The following MYH14 variants were observed in gnomAD, a reference collection of about 807,000 sequenced individuals.
The protein encoded by MYH14 is myosin-14.
A neutral mutation model predicts 255.5 loss-of-function variants in MYH14; 123 were observed. The observed-to-expected ratio is 0.48, with a 90% CI of 0.42 to 0.56. The LOEUF (loss-of-function observed/expected upper bound fraction) is 0.56. Ranked by LOEUF, MYH14 falls within the 20% of genes least tolerant of loss-of-function variation. The probability of loss-of-function intolerance (pLI) is 0.00; values close to 1 mark genes in which losing one functional copy is unlikely to be tolerated. For missense variants in MYH14, 2,423 were observed against 2,802.3 expected (o/e 0.86, Z 3.06); for synonymous variants, 1,095 against 1,161.2 (o/e 0.94, Z 1.16).
chr19:50,279,256 C>T (rs2035624486), intron 30 of MYH14, among the ~76,000 whole-genome samples: 1 of 152,168 alleles, frequency 6.6e-6, no homozygotes, highest in African/African-American at 2.4e-5. Flanking sequence ...GCCTTTGTGG[C>T]TGCCTTCTTT....
intron 40 of MYH14, among the ~76,000 whole-genome samples, chr19:50,304,193 T>C (rs1236901722): frequency 2.0e-5 from 3 of 152,376 alleles, no homozygotes; most frequent in Admixed American, 1.3e-4. Flanking sequence ...TTGCTATTCA[T>C]CATCTGCACA....
At chr19:50,291,744 G>A (rs7247511) in intron 36 of MYH14, among the ~76,000 whole-genome samples, 37,955 of 151,842 alleles carry the variant, frequency 0.25, 5,783 homozygotes, top group East Asian at 0.48. Flanking sequence ...ACGCACCTGT[G>A]GTCTCAGCTA....
chr19:50,231,239 T>A (rs568712319), intron 9 of MYH14, among the ~76,000 whole-genome samples: 3 of 152,242 alleles, frequency 2.0e-5, no homozygotes, highest in Non-Finnish European at 4.4e-5. Flanking sequence ...TAGCCCCTCC[T>A]CATCCAGGTT....
intron 5 of MYH14, among the ~76,000 whole-genome samples, 195 bp from the exon 6 acceptor site, chr19:50,223,959 A>C (rs2032971207): frequency 1.3e-5 from 2 of 152,068 alleles, no homozygotes; most frequent in Admixed American, 1.3e-4. Context: ...AACATTTTTG[A>C]ATAAAGGAGG....
rs1390799283 is a variant in MYH14 at position 50,247,126 on chromosome 19, G to C, written c.1329+4G>C. On this transcript the variant is annotated splice_donor_region_variant and intron_variant, in intron 12 of 42. Coordinates refer to ENST00000642316, the MANE Select transcript of MYH14 (RefSeq NM_001145809.2). ...GAAAGCCCAGACTAAGGAACAGGTA[G>C]GCGGGGCTGGCGGTGGGCAGGCACA... 1 of 1,601,394 alleles carries C rather than the reference G, an allele frequency of 6.2e-7. No homozygotes were observed. Among genetic ancestry groups the C allele is most frequent in the Non-Finnish European group, 8.5e-7 (1 of 1,169,934 alleles).
chr19:50,280,348 C>T lies in MYH14; in HGVS notation c.4255C>T (p.Arg1419Trp), dbSNP rs115019972. The T allele has an allele frequency of 9.4e-4, 1,457 of 1,547,494 alleles. 13 individuals are homozygous for T. The African/African-American group carries it at 0.018, about 19-fold the overall frequency. The change falls in exon 32 of 43, where the codon CGG becomes TGG. Residue 1419 changes from arginine (R) to tryptophan (W), a missense_variant. Arg to Trp is a moderately radical substitution (Grantham distance 101, BLOSUM62 -3). Transcript: ENST00000642316. This position sits in a 1 kb window ranked among gnomAD's most constrained non-coding sequence, Gnocchi z 4.8. ...GGAGGAGGAGGCAGCTGCCAGGGAACGGGCGGGCCGTGAACTGCAGACTGC... is the reference window on the plus strand; with the variant it reads ...GGAGGAGGAGGCAGCTGCCAGGGAATGGGCGGGCCGTGAACTGCAGACTGC... Reference protein sequence around the residue: ...QLEEEAAARERAGRELQTAQA... With the variant: ...QLEEEAAAREWAGRELQTAQA...
intron 39 of MYH14, among the ~76,000 whole-genome samples, chr19:50,294,498 T>G (rs4801827): frequency 0.66 from 97,932 of 148,420 alleles, 34,589 homozygotes; most frequent in East Asian, 0.92. Flanking sequence ...GCAGTGGTGC[T>G]ATCTCGGCTC....
chr19:50,225,425 A>G (rs546041932), intron 6 of MYH14, among the ~76,000 whole-genome samples, 160 bp from the exon 7 acceptor site: 1 of 152,320 alleles, frequency 6.6e-6, no homozygotes, highest in South Asian at 2.1e-4. Context: ...CAATAGACAG[A>G]TGGGCAAGAC....
intron 20 of MYH14, 29 bp downstream of exon 20, chr19:50,260,744 T>TGC (rs752551300): frequency 2.7e-6 from 4 of 1,469,118 alleles, no homozygotes; most frequent in South Asian, 2.3e-5. Flanking sequence ...GGAATGCGTG[T>TGC]GTGCGTGTGT....
In MYH14 at chr19:50,210,530, C is replaced by G. The variant is rs759068197; in HGVS notation, c.165C>G (p.Leu55=). ...SPQVEWTARR[L]VWVPSELHGF... is the part of the protein sequence containing the mutation. ...AGGTGGAGTGGACGGCCCGGCGTCTCGTGTGGGTGCCTTCGGAGCTTCACG... is the reference window on the plus strand; with the variant it reads ...AGGTGGAGTGGACGGCCCGGCGTCTGGTGTGGGTGCCTTCGGAGCTTCACG... The change falls in exon 2 of 43, where the codon CTC becomes CTG. Residue 55 remains leucine (L), a synonymous_variant. Coordinates refer to ENST00000642316, the MANE Select transcript of MYH14 (RefSeq NM_001145809.2). The G allele has an allele frequency of 2.5e-6, 4 of 1,577,662 alleles. No homozygotes were observed. The highest frequency in any genetic ancestry group is 3.4e-6 in the Non-Finnish European group (4 of 1,163,560).
At position 50,286,574 on chromosome 19, in the gene MYH14, G is replaced by A. The variant is rs1454503442; in HGVS notation, c.4632G>A (p.Leu1544=). 1 of 1,610,104 alleles carries A rather than the reference G, an allele frequency of 6.2e-7. No homozygotes were observed. The highest frequency in any genetic ancestry group is 1.3e-5 in the African/African-American group (1 of 75,040). The part of the protein sequence containing the change: ...AEGREREARA[L]SLTRALEEEQ... ...GCCGGGAGCGTGAGGCTCGGGCCCT[G>A]TCACTGACACGGGCACTGGAGGAGG... The change falls in exon 34 of 43, where the codon CTG becomes CTA. Residue 1544 remains leucine, a synonymous_variant. Transcript: ENST00000642316.
chr19:50,278,844 C>T lies in MYH14; in HGVS notation c.4032+555C>T, dbSNP rs189001284. On this transcript the variant is annotated intron_variant, in intron 30 of 42. Coordinates refer to ENST00000642316, the MANE Select transcript of MYH14 (RefSeq NM_001145809.2). ...AAAAAAAAAAAAACACAAAATTAGCCGGGCGTGATGGCGCATGCCTGTAAT... is the reference window on the plus strand; with the variant it reads ...AAAAAAAAAAAAACACAAAATTAGCTGGGCGTGATGGCGCATGCCTGTAAT... 3.8e-4 allele frequency among the ~76,000 whole-genome samples: 57 copies of T among 150,178 alleles called. 2 individuals are homozygous for T. Among genetic ancestry groups the T allele is most frequent in the African/African-American group, 1.3e-3 (52 of 40,904 alleles).
rs568110524 is a variant in MYH14 at position 50,279,023 on chromosome 19, G to A, written c.4032+734G>A. 1.1e-3 allele frequency among the ~76,000 whole-genome samples: 167 copies of A among 152,180 alleles called. 1 individual carries two copies. In the South Asian group the frequency reaches 0.013, roughly 12 times the overall value. Reference sequence around the variant, plus strand: ...TAATAATAATTCACTCATTTAAGATGTGCAATTCAATGGATTTTGGTATAT... The same window carrying A: ...TAATAATAATTCACTCATTTAAGATATGCAATTCAATGGATTTTGGTATAT... On this transcript the variant is annotated intron_variant, in intron 30 of 42. Transcript: ENST00000642316.
At chr19:50,224,045 TTCCCCCA>T in intron 5 of MYH14, 102 bp from the exon 6 acceptor site, 1 of 316,168 alleles carries the variant, frequency 3.2e-6, no homozygotes, top group Admixed American at 4.9e-5. Context: ...CCAGTCCCCC[TTCCCCCA>T]CCCCCCATGC....
rs748575748 is a variant in MYH14, at chr19:50,290,883, C to G, written c.4966-4C>G. On this transcript the variant is annotated splice_polypyrimidine_tract_variant and splice_region_variant and intron_variant, in intron 35 of 42. Coordinates refer to ENST00000642316, the MANE Select transcript of MYH14 (RefSeq NM_001145809.2). ...GACCCGGTCCCTCCTGACCTCCTCT[C>G]CAGCTGAGAGATGCAGAGGTGGAGC... 2 of 1,554,174 alleles carry G rather than the reference C, an allele frequency of 1.3e-6. No individual in the cohort carries two copies. Among genetic ancestry groups the G allele is most frequent in the Admixed American group, 1.9e-5 (1 of 51,294 alleles).
intron 1 of MYH14, among the ~76,000 whole-genome samples, chr19:50,205,774 G>T (rs2031709005): frequency 1.3e-5 from 2 of 152,178 alleles, no homozygotes; most frequent in Non-Finnish European, 2.9e-5. Flanking sequence ...GGGGAGGAGG[G>T]GGCTGCAAGC....
chr19:50,281,674 G>C lies in MYH14; in HGVS notation c.4371G>C (p.Arg1457=). The C allele has an allele frequency of 1.2e-6, 2 of 1,610,706 alleles. No individual in the cohort carries two copies. The highest frequency in any genetic ancestry group is 2.7e-5 in the African/African-American group (2 of 75,002). Residue 1457 remains arginine (R), a synonymous_variant, in exon 33 of 43, where the codon CGG becomes CGC. Coordinates refer to ENST00000642316, the MANE Select transcript of MYH14 (RefSeq NM_001145809.2). ...AGEEARRRAA[R]EAEALTQRLA... The stretch of plus-strand genomic sequence containing the variant: ...AGGAGGCACGGCGCCGGGCAGCCCG[G>C]GAGGCCGAGGCCCTGACCCAGCGCC...
At position 50,286,592 on chromosome 19, in the gene MYH14, G is replaced by A. The variant is rs2035897265; in HGVS notation, c.4650G>A (p.Leu1550=). The A allele has an allele frequency of 6.2e-7, 1 of 1,607,586 alleles. No homozygotes were observed. Among genetic ancestry groups the A allele is most frequent in the African/African-American group, 1.3e-5 (1 of 74,918 alleles). Residue 1550 remains leucine (L), a synonymous_variant, in exon 34 of 43, where the codon CTG becomes CTA. Coordinates refer to ENST00000642316, the MANE Select transcript of MYH14 (RefSeq NM_001145809.2). ...GGGCCCTGTCACTGACACGGGCACT[G>A]GAGGAGGAGCAGGAGGCACGTGAGG... ...EARALSLTRA[L]EEEQEAREEL...
intron 26 of MYH14, 136 bp downstream of exon 26, chr19:50,272,108 T>A (rs1398288434): frequency 9.4e-6 from 11 of 1,174,832 alleles, no homozygotes; most frequent in Admixed American, 7.0e-5. Context: ...AGATTGAGTG[T>A]CCTCCCAGCT....
Sources: allele counts gnomAD v4.1 joint callset (sites outside exome capture counted in the v4.1 genomes callset), GRCh38; gene constraint gnomAD v4.1.1; non-coding constraint Gnocchi (gnomAD v3.1); transcripts MANE v1.5; gene names NCBI Gene and HGNC (gene_info 2026-07-23, HGNC 2026-07-21).